Variants in MAST1 observed in about 807,000 individuals in gnomAD.
MAST1 encodes the protein microtubule-associated serine/threonine-protein kinase 1.
In MAST1, 40 loss-of-function variants were observed where a neutral mutation model predicts 124.6. The observed-to-expected ratio is 0.32, with a 90% CI of 0.25 to 0.42. The LOEUF (loss-of-function observed/expected upper bound fraction) is 0.42, where lower values mean the gene tolerates loss of function less well. MAST1 is among the 10% of genes least tolerant of loss of function. The pLI is 1.00. For missense variants in MAST1, 1,558 were observed against 2,181.9 expected (o/e 0.71, Z 5.70); for synonymous variants, 938 against 939.4 (o/e 1.00, Z 0.03).
chr19:12,871,247 G>A, intron 24 of MAST1, 75 bp downstream of exon 24: 1 of 1,584,548 alleles, frequency 6.3e-7, no homozygotes, highest in South Asian at 1.1e-5. Flanking sequence ...GATGAGGATG[G>A]AGAAGGGAAG....
In MAST1 at chr19:12,847,770, C is replaced by A; in HGVS notation, c.565-78C>A. Reference sequence around the variant, plus strand: ...CTTATCCCCGCGCGCCCCCTGGCGGCCTCGGTGCGCAGCGCAGGCTCCTGG... The same window carrying A: ...CTTATCCCCGCGCGCCCCCTGGCGGACTCGGTGCGCAGCGCAGGCTCCTGG... On this transcript the variant is annotated intron_variant, in intron 6 of 25. Coordinates refer to ENST00000251472, the MANE Select transcript of MAST1 (RefSeq NM_014975.3). The surrounding 1 kb of genome is among the most constrained non-coding windows in gnomAD (Gnocchi z 5.5). The A allele has an allele frequency of 6.3e-7, 1 of 1,582,552 alleles. No homozygotes were observed.
At chr19:12,858,765 G>A in intron 12 of MAST1, 26 bp downstream of exon 12, 1 of 1,612,904 alleles carries the variant, frequency 6.2e-7, no homozygotes, top group Non-Finnish European at 8.5e-7. Context: ...GGGCTGCAGG[G>A]AAGATGGGGC....
Position 12,847,787 on chromosome 19 carries a change from G to T in MAST1, c.565-61G>T. Reference sequence around the variant, plus strand: ...CCTGGCGGCCTCGGTGCGCAGCGCAGGCTCCTGGCGGCCGCAGCCTTCGGG... The same window carrying T: ...CCTGGCGGCCTCGGTGCGCAGCGCATGCTCCTGGCGGCCGCAGCCTTCGGG... On this transcript the variant is annotated intron_variant, in intron 6 of 25. Coordinates refer to ENST00000251472, the MANE Select transcript of MAST1 (RefSeq NM_014975.3). The surrounding 1 kb of genome is among the most constrained non-coding windows in gnomAD (Gnocchi z 5.5). 5 of 1,581,294 alleles carry T rather than the reference G, an allele frequency of 3.2e-6. No individual in the cohort carries two copies. In the East Asian group the frequency reaches 9.1e-5, roughly 29 times the overall value.
chr19:12,867,691 A>AG (rs578255415), intron 19 of MAST1, 39 bp downstream of exon 19: 430 of 1,539,992 alleles, frequency 2.8e-4, no homozygotes, highest in Middle Eastern at 5.2e-4. Flanking sequence ...GCGGGGTCGA[A>AG]GGGGGCGTGT....
intron 12 of MAST1, among the ~76,000 whole-genome samples, chr19:12,860,064 G>A (rs1011840233): frequency 1.3e-5 from 2 of 151,690 alleles, no homozygotes; most frequent in African/African-American, 2.4e-5. Flanking sequence ...TTGTCTTTGT[G>A]GTTGTCCATC....
At position 12,858,566 on chromosome 19, in the gene MAST1, A is replaced by G. The variant is rs1176628408; in HGVS notation, c.1193A>G (p.Gln398Arg). The change falls in exon 12 of 26, where the codon CAG becomes CGG. Residue 398 changes from glutamine to arginine, a missense_variant. Around this residue, in one of 10 missense-constraint regions of MAST1, gnomAD observed 136 missense variants for 160.9 expected, o/e 0.85. Coordinates refer to ENST00000251472, the MANE Select transcript of MAST1 (RefSeq NM_014975.3). Reference protein sequence around the residue: ...VYLVRHRDTRQRFAMKKINKQ... With the variant: ...VYLVRHRDTRRRFAMKKINKQ... ...CTGGTGCGGCACCGCGACACGCGGCAGCGCTTTGCCATGAAAAAGATCAAC... is the reference window on the plus strand; with the variant it reads ...CTGGTGCGGCACCGCGACACGCGGCGGCGCTTTGCCATGAAAAAGATCAAC... 1 of 1,614,244 alleles carries G rather than the reference A, an allele frequency of 6.2e-7. No homozygotes were observed. Among genetic ancestry groups the G allele is most frequent in the South Asian group, 1.1e-5 (1 of 91,090 alleles).
rs1006228691 is a variant in MAST1 at position 12,838,711 on chromosome 19, C to T, written c.83+56C>T. ...GGCCCTCCCCGCAAAAGCCGCCGCT[C>T]CGGGTACTGCTGCAGGGCGGGGCCC... On this transcript the variant is annotated intron_variant, in intron 1 of 25. Coordinates refer to ENST00000251472, the MANE Select transcript of MAST1 (RefSeq NM_014975.3). The surrounding 1 kb of genome is among the most constrained non-coding windows in gnomAD (Gnocchi z 4.3). The T allele has an allele frequency of 1.2e-5, 18 of 1,529,166 alleles. No homozygotes were observed. The highest frequency in any genetic ancestry group is 2.8e-5 in the African/African-American group (2 of 72,468). The allele number at this position is 1,529,166 out of a possible 1,614,324, so 94.7% of individuals were successfully genotyped here. A position where few individuals can be genotyped will look rare whatever the true frequency, so the allele number is the denominator to read the frequency against.
intron 20 of MAST1, 126 bp downstream of exon 20, chr19:12,868,103 ATTTTTTTTTTT>A (rs34988246): frequency 3.1e-6 from 1 of 321,214 alleles, no homozygotes; most frequent in Non-Finnish European, 4.4e-6. Flanking sequence ...GCAATTTGGG[ATTTTTTTTTTT>A]TTTTTTTTTT....
intron 22 of MAST1, among the ~76,000 whole-genome samples, chr19:12,869,931 C>T (rs999487890): frequency 2.6e-5 from 4 of 151,448 alleles, no homozygotes; most frequent in African/African-American, 9.7e-5. Context: ...GCTGTAATCC[C>T]GGCACTTTGG....
In MAST1 at chr19:12,841,370, T is replaced by A. The variant is rs929730346; in HGVS notation, c.248+304T>A. Among the ~76,000 whole-genome samples the A allele has an allele frequency of 6.6e-6, 1 of 152,240 alleles. No individual in the cohort carries two copies. The highest frequency in any genetic ancestry group is 2.4e-5 in the African/African-American group (1 of 41,466). On this transcript the variant is annotated intron_variant, in intron 3 of 25. Coordinates refer to ENST00000251472, the MANE Select transcript of MAST1 (RefSeq NM_014975.3). This position sits in a 1 kb window ranked among gnomAD's most constrained non-coding sequence, Gnocchi z 4.3. ...AGCCTTGCTCTCCTGGCCAGGTGTT[T>A]CCATAGCAACAGGACGGGGCAGCCA...
Position 12,847,877 on chromosome 19 carries a change from C to T in MAST1, c.594C>T (p.Arg198=), listed in dbSNP as rs1370744840. 6.2e-7 allele frequency: 1 copy of T among 1,612,448 alleles called. No individual in the cohort carries two copies. Among genetic ancestry groups the T allele is most frequent in the African/African-American group, 1.3e-5 (1 of 75,024 alleles). The change falls in exon 7 of 26, where the codon CGC becomes CGT. Residue 198 remains arginine (R), a synonymous_variant. Transcript: ENST00000251472. The surrounding 1 kb of genome is among the most constrained non-coding windows in gnomAD (Gnocchi z 5.5). ...KATAQMEEKL[R]DFTRAYEPDS... ...CTGCGCAGATGGAGGAGAAGCTGCG[C>T]GACTTTACCCGCGCCTACGAACCCG...
In MAST1 at chr19:12,852,329, T is replaced by C. The variant is rs1078264; in HGVS notation, c.1011T>C (p.Asp337=). The change falls in exon 10 of 26, where the codon GAT becomes GAC. Residue 337 remains aspartate (D), a splice_region_variant and synonymous_variant. Coordinates refer to ENST00000251472, the MANE Select transcript of MAST1 (RefSeq NM_014975.3). ...TGCTCACTCTCAGTCCCTCCCTAGA[T>C]GTGGTGCATCTGGAGGAACAGGACA... The part of the protein sequence containing the change: ...QLGLTRDPFP[D]VVHLEEQDSG... 490,040 of 1,613,546 alleles carry C rather than the reference T, an allele frequency of 0.3. 80,731 individuals are homozygous for C. The highest frequency in any genetic ancestry group is 0.67 in the East Asian group (30,007 of 44,820).
intron 1 of MAST1, among the ~76,000 whole-genome samples, chr19:12,840,183 G>T (rs7251342): frequency 0.052 from 7,928 of 152,300 alleles, 716 homozygotes; most frequent in African/African-American, 0.18. Context: ...CCTAGACACA[G>T]TGACTATCAC....
rs765411169 is a variant in MAST1 at position 12,858,365 on chromosome 19, C to T, written c.1081C>T (p.Arg361Cys). The T allele has an allele frequency of 1.4e-5, 22 of 1,613,414 alleles. No individual in the cohort carries two copies. Among genetic ancestry groups the T allele is most frequent in the Non-Finnish European group, 1.7e-5 (20 of 1,179,790 alleles). The change falls in exon 11 of 26, where the codon CGC (arginine) becomes TGC (cysteine). Residue 361 changes from arginine (R) to cysteine (C), a missense_variant. Coordinates refer to ENST00000251472, the MANE Select transcript of MAST1 (RefSeq NM_014975.3). ...TPEQDDLSEG[R>C]SSKAKKPPGE... is the part of the protein sequence containing the mutation. The stretch of plus-strand genomic sequence containing the variant: ...GGTCTCCATCTTTTTCCTGAAGGGC[C>T]GCAGCAGCAAGGCCAAGAAACCGCC...
intron 12 of MAST1, among the ~76,000 whole-genome samples, chr19:12,864,079 C>G (rs760431838): frequency 6.6e-6 from 1 of 152,078 alleles, no homozygotes; most frequent in Non-Finnish European, 1.5e-5. Context: ...CGTCTGCCAA[C>G]AAGCCAGGCT....
intron 4 of MAST1, among the ~76,000 whole-genome samples, chr19:12,845,906 G>A (rs539976419): frequency 1.4e-4 from 21 of 151,974 alleles, no homozygotes; most frequent in Non-Finnish European, 2.6e-4. Context: ...TTTTCTGCCC[G>A]CCTCAGCCTC....
intron 18 of MAST1, among the ~76,000 whole-genome samples, chr19:12,867,185 C>T (rs1357900781): frequency 1.3e-5 from 2 of 152,200 alleles, no homozygotes; most frequent in African/African-American, 4.8e-5. Context: ...AGGGCCTAGC[C>T]TGGGCTAAGG....
In MAST1 at chr19:12,858,605, T is replaced by A. The variant is rs778169275; in HGVS notation, c.1232T>A (p.Ile411Asn). 2 of 1,614,108 alleles carry A rather than the reference T, an allele frequency of 1.2e-6. No individual in the cohort carries two copies. The highest frequency in any genetic ancestry group is 1.7e-6 in the Non-Finnish European group (2 of 1,180,042). ...AAAAAGATCAACAAGCAGAACTTGA[T>A]CCTCCGCAACCAGATCCAGCAGGCC... ...AMKKINKQNL[I>N]LRNQIQQAFV... is the part of the protein sequence containing the mutation. Residue 411 changes from isoleucine to asparagine, a missense_variant, in exon 12 of 26, where the codon ATC (isoleucine) becomes AAC (asparagine). Physicochemically the swap from Ile to Asn is moderately radical, Grantham distance 149. Around this residue, in one of 10 missense-constraint regions of MAST1, gnomAD observed 136 missense variants for 160.9 expected, o/e 0.85. Coordinates refer to ENST00000251472, the MANE Select transcript of MAST1 (RefSeq NM_014975.3).
chr19:12,859,064 T>C (rs1248002148), intron 12 of MAST1: 2 of 413,018 alleles, frequency 4.8e-6, no homozygotes, highest in Admixed American at 8.2e-5. Context: ...TATTTATTTA[T>C]TTATTTATTC....
Sources: gnomAD v4.1 joint callset for allele counts (sites outside exome capture counted in the v4.1 genomes callset) on GRCh38, gnomAD v4.1.1 for gene constraint, gnomAD v4.1.1 regional missense constraint, Gnocchi (gnomAD v3.1) non-coding constraint, MANE v1.5 for transcripts, NCBI Gene and HGNC (gene_info 2026-07-23, HGNC 2026-07-21) for gene names.